SRRM3: variants seen among roughly 807,000 people sequenced by gnomAD.
SRRM3 encodes the protein serine/arginine repetitive matrix 3.
Under a neutral mutation model 66.2 loss-of-function variants are expected in SRRM3, and 27 were observed. The observed-to-expected ratio is 0.41, with a 90% CI of 0.30 to 0.56. The LOEUF (loss-of-function observed/expected upper bound fraction) is 0.56, where lower values mean the gene tolerates loss of function less well. Among genes scored for constraint, SRRM3 ranks in the 20% least tolerant of loss-of-function variants. The probability of loss-of-function intolerance (pLI) is 0.32; values close to 1 mark genes in which losing one functional copy is unlikely to be tolerated. For synonymous variants in SRRM3, 391 were observed against 414.9 expected (o/e 0.94, Z 0.70); for missense variants, 918 against 991.9 (o/e 0.93, Z 1.00).
chr7:76,274,484 C>G (rs1353291717), intron 11 of SRRM3, among the ~76,000 whole-genome samples: 1 of 152,228 alleles, frequency 6.6e-6, no homozygotes. Flanking sequence ...AGACAATTTA[C>G]AGGTAATTTA....
chr7:76,284,431 G>C (rs1305594779), intron 14 of SRRM3, among the ~76,000 whole-genome samples: 1 of 152,134 alleles, frequency 6.6e-6, no homozygotes, highest in Non-Finnish European at 1.5e-5. Flanking sequence ...ACCTGCCTTG[G>C]CCTCCCAAAG....
chr7:76,283,860 A>C lies in SRRM3; in HGVS notation c.1733+759A>C, dbSNP rs1802594486. ...TGACATTATGGTCTGCCTTTGTGGA[A>C]ATCACCCTGAAGCCCTAGATTACCC... On this transcript the variant is annotated intron_variant, in intron 14 of 14. Transcript: ENST00000611745. The C allele has an allele frequency of 6.1e-6, 6 of 984,614 alleles. No individual in the cohort carries two copies. In the South Asian group the frequency reaches 2.8e-4, roughly 46 times the overall value. The allele number at this position is 984,614 out of a possible 1,614,324, so 61.0% of individuals were successfully genotyped here.
intron 11 of SRRM3, chr7:76,267,849 C>G (rs1802113873): frequency 6.1e-6 from 1 of 164,354 alleles, no homozygotes; most frequent in Non-Finnish European, 1.3e-5. Flanking sequence ...GACAGGACCC[C>G]CCACTGGGCA....
At chr7:76,221,715 T>C (rs945661276) in intron 1 of SRRM3, among the ~76,000 whole-genome samples, 1 of 152,220 alleles carries the variant, frequency 6.6e-6, no homozygotes, top group African/African-American at 2.4e-5. Flanking sequence ...TGTGGGTTTG[T>C]ATCTGTGAAA....
In SRRM3 at chr7:76,266,209, TATATATAAATATTTATATATTTA is replaced by T. The variant is rs1485313560; in HGVS notation, c.830+749_830+771del. On this transcript the variant is annotated intron_variant, in intron 10 of 14. Transcript: ENST00000611745. ...TATATATAAATATTTATATATTTAA[TATATATAAATATTTATATATTTA>T]ATATATATAAATATTTATATATTTA... 2.1e-4 allele frequency among the ~76,000 whole-genome samples: 19 copies of T among 91,676 alleles called. 1 individual carries two copies. The highest frequency in any genetic ancestry group is 8.3e-3 in the Middle Eastern group (2 of 242). The allele number at this position is 91,676 out of a possible 152,430, so 60.1% of individuals were successfully genotyped here.
Position 76,267,177 on chromosome 7 carries a change from A to G in SRRM3, c.831-81A>G, listed in dbSNP as rs1802082604. 8.7e-6 allele frequency: 11 copies of G among 1,266,272 alleles called. No individual in the cohort carries two copies. The South Asian group carries it at 1.7e-4, about 20-fold the overall frequency. 78.4% of individuals were successfully genotyped at this position (1,266,272 alleles called of 1,614,324 possible). On this transcript the variant is annotated intron_variant, in intron 10 of 14. Transcript: ENST00000611745. ...CTGCTCTCTTTCCCCGTGCTGGGGA[A>G]GGGGGAAAGAGGAGGCGCAACTGCT...
chr7:76,234,202 T>TGC (rs1583890186), intron 1 of SRRM3, among the ~76,000 whole-genome samples: 1 of 151,430 alleles, frequency 6.6e-6, no homozygotes, highest in East Asian at 1.9e-4. Context: ...GGAGTGTGTG[T>TGC]GTGTGTGTGT....
chr7:76,210,961 C>T (rs1289456072), intron 1 of SRRM3, among the ~76,000 whole-genome samples: 3 of 152,284 alleles, frequency 2.0e-5, no homozygotes, highest in African/African-American at 7.2e-5. Flanking sequence ...TGCCACTACA[C>T]CCGGCTAATT....
At chr7:76,217,176 T>C (rs1554602679) in intron 1 of SRRM3, among the ~76,000 whole-genome samples, 1 of 152,200 alleles carries the variant, frequency 6.6e-6, no homozygotes, top group Non-Finnish European at 1.5e-5. Flanking sequence ...GTCTTGCACT[T>C]CCAGGGACTC....
chr7:76,282,452 C>T (rs567435037), intron 12 of SRRM3, among the ~76,000 whole-genome samples, 196 bp from the exon 13 acceptor site: 1 of 151,454 alleles, frequency 6.6e-6, no homozygotes, highest in Admixed American at 6.6e-5. Flanking sequence ...CCCCAACACG[C>T]CCCCTCACGG....
chr7:76,249,287 G>A (rs1165841865), intron 3 of SRRM3, among the ~76,000 whole-genome samples: 1 of 151,920 alleles, frequency 6.6e-6, no homozygotes, highest in Non-Finnish European at 1.5e-5. Context: ...TCAGGGAGCT[G>A]AGACACGAGA....
chr7:76,230,940 G>A (rs888965773), intron 1 of SRRM3, among the ~76,000 whole-genome samples: 20 of 151,754 alleles, frequency 1.3e-4, no homozygotes, highest in African/African-American at 3.4e-4. Flanking sequence ...TAGTAGAGAC[G>A]GGGTTTCACC....
intron 12 of SRRM3, among the ~76,000 whole-genome samples, chr7:76,282,347 C>T (rs1016353702): frequency 7.2e-6 from 1 of 139,272 alleles, no homozygotes; most frequent in Non-Finnish European, 1.5e-5. Flanking sequence ...CCTTACTGAT[C>T]ACTGCCCCCA....
chr7:76,282,724 C>A lies in SRRM3; in HGVS notation c.1447C>A (p.Pro483Thr). The A allele has an allele frequency of 6.9e-7, 1 of 1,448,088 alleles. No individual in the cohort carries two copies. The highest frequency in any genetic ancestry group is 9.0e-7 in the Non-Finnish European group (1 of 1,105,880). The allele number at this position is 1,448,088 out of a possible 1,614,324, so 89.7% of individuals were successfully genotyped here. The change falls in exon 13 of 15, where the codon CCA (proline) becomes ACA (threonine). Residue 483 changes from proline to threonine, a missense_variant. Physicochemically the swap from Pro to Thr is conservative, Grantham distance 38 (BLOSUM62 -1). Transcript: ENST00000611745. ...GGGCGCGCACGGCCGGCGCGGCGGC[C>A]CAGAAGGGAAGAGCTCGTCGCGCAG... is the stretch of plus-strand genomic sequence containing the variant. Reference protein sequence around the residue: ...SPGAHGRRGGPEGKSSSRSPG... With the variant: ...SPGAHGRRGGTEGKSSSRSPG...
intron 3 of SRRM3, among the ~76,000 whole-genome samples, chr7:76,257,742 C>T (rs1554607943): frequency 6.6e-6 from 1 of 151,744 alleles, no homozygotes; most frequent in Non-Finnish European, 1.5e-5. Flanking sequence ...AACTGCACTC[C>T]AGCCTCGCGA....
chr7:76,213,926 T>A (rs1369904860), intron 1 of SRRM3, among the ~76,000 whole-genome samples: 2 of 152,036 alleles, frequency 1.3e-5, no homozygotes, highest in Non-Finnish European at 2.9e-5. Context: ...CATGTCACCA[T>A]GCCTGGCTAA....
chr7:76,202,088 G>C (rs1800160035), intron 1 of SRRM3, 21 bp downstream of exon 1: 2 of 152,360 alleles, frequency 1.3e-5, no homozygotes. Flanking sequence ...CTGTGGGGCG[G>C]GGGCATATCC....
At chr7:76,276,632 C>T (rs1802354486) in intron 11 of SRRM3, among the ~76,000 whole-genome samples, 1 of 152,124 alleles carries the variant, frequency 6.6e-6, no homozygotes, top group African/African-American at 2.4e-5. Flanking sequence ...AGGGGAGGTT[C>T]GGAGGTCTCT....
chr7:76,252,043 C>T (rs377312940), intron 3 of SRRM3, among the ~76,000 whole-genome samples: 1 of 152,064 alleles, frequency 6.6e-6, no homozygotes, highest in Non-Finnish European at 1.5e-5. Flanking sequence ...CACACTACAG[C>T]CTTGGCAACA....
Sources: gnomAD v4.1 joint callset for allele counts (sites outside exome capture counted in the v4.1 genomes callset) on GRCh38, gnomAD v4.1.1 for gene constraint, MANE v1.5 for transcripts, NCBI Gene and HGNC (gene_info 2026-07-23, HGNC 2026-07-21) for gene names.